Variants in MAPT observed in about 807,000 individuals in gnomAD.
MAPT encodes microtubule-associated protein tau.
A neutral mutation model predicts 67.9 loss-of-function variants in MAPT; 34 were observed. The observed-to-expected ratio is 0.50, with a 90% CI of 0.38 to 0.67. The LOEUF (loss-of-function observed/expected upper bound fraction) is 0.67, where lower values mean the gene tolerates loss of function less well. Ranked by LOEUF, MAPT falls within the 30% of genes least tolerant of loss-of-function variation. The pLI is 0.00. For missense variants in MAPT, 881 were observed against 1,115.2 expected (o/e 0.79, Z 2.99); for synonymous variants, 456 against 464.5 (o/e 0.98, Z 0.23).
At position 45,982,859 on chromosome 17, in the gene MAPT, A is replaced by G. The variant is rs931628559; in HGVS notation, c.287-7A>G. On this transcript the variant is annotated splice_polypyrimidine_tract_variant and splice_region_variant and intron_variant, in intron 4 of 12. Coordinates refer to ENST00000262410, the MANE Select transcript of MAPT (RefSeq NM_001377265.1). Reference sequence around the variant, plus strand: ...AACCTTTTGCTATCGCTGCCTCTTCAAACCAGAGGAGTTGAGAGTTCCGGG... The same window carrying G: ...AACCTTTTGCTATCGCTGCCTCTTCGAACCAGAGGAGTTGAGAGTTCCGGG... 1 of 1,296,806 alleles carries G rather than the reference A, an allele frequency of 7.7e-7. No individual in the cohort carries two copies. The highest frequency in any genetic ancestry group is 9.8e-7 in the Non-Finnish European group (1 of 1,021,460). 80.3% of individuals were successfully genotyped at this position (1,296,806 alleles called of 1,614,324 possible).
In MAPT at chr17:45,894,810, C is replaced by G. The variant is rs3744456; in HGVS notation, c.-18+124C>G. On this transcript the variant is annotated intron_variant, in intron 1 of 12. Transcript: ENST00000262410. The stretch of plus-strand genomic sequence containing the variant: ...CGCCGGGCATCGGTCGGGGCCACCG[C>G]AGGGCCCCTCCCTGCCTCCCCTGCT... 0.12 allele frequency: 18,996 copies of G among 152,594 alleles called. 1,309 individuals carry two copies. Among genetic ancestry groups the G allele is most frequent in the Middle Eastern group, 0.25 (74 of 302 alleles). The allele number at this position is 152,594 out of a possible 1,614,324, so 9.5% of individuals were successfully genotyped here.
rs59017604 is a variant in MAPT, at chr17:45,922,486, A to AACACACAC, written c.-18+27826_-18+27833dup. ...TCCCGTCCCTGCAGGCTAGCTAGAG[A>AACACACAC]ACACACACACACACACACACACACA... On this transcript the variant is annotated intron_variant, in intron 1 of 12. Transcript: ENST00000262410. 4.4e-3 allele frequency among the ~76,000 whole-genome samples: 638 copies of AACACACAC among 146,656 alleles called. 2 individuals are homozygous for AACACACAC. The highest frequency in any genetic ancestry group is 0.014 in the African/African-American group (561 of 39,848).
At chr17:45,997,486 G>A (rs904755663) in intron 9 of MAPT, among the ~76,000 whole-genome samples, 1 of 152,196 alleles carries the variant, frequency 6.6e-6, no homozygotes, top group Non-Finnish European at 1.5e-5. Context: ...GCAGCTGGGC[G>A]TAGTGGCTCA....
At chr17:45,911,101 G>C (rs1399437521) in intron 1 of MAPT, among the ~76,000 whole-genome samples, 1 of 152,212 alleles carries the variant, frequency 6.6e-6, no homozygotes, top group African/African-American at 2.4e-5. Context: ...ATGGAATCAT[G>C]CTGCCTTCAC....
At chr17:45,941,685 T>TC (rs1555690332) in intron 1 of MAPT, among the ~76,000 whole-genome samples, 1 of 28,094 alleles carries the variant, frequency 3.6e-5, no homozygotes, top group Non-Finnish European at 6.5e-5. Context: ...CTTCCCTCCT[T>TC]CCTTCCTTCC....
intron 1 of MAPT, among the ~76,000 whole-genome samples, chr17:45,929,992 C>T (rs1245350336): frequency 6.6e-6 from 1 of 152,184 alleles, no homozygotes; most frequent in South Asian, 2.1e-4. Flanking sequence ...GTTTTGCCTA[C>T]CTGCATTCCT....
intron 5 of MAPT, among the ~76,000 whole-genome samples, chr17:45,985,092 T>G (rs1244225072): frequency 6.6e-6 from 1 of 152,134 alleles, no homozygotes; most frequent in Non-Finnish European, 1.5e-5. Flanking sequence ...TCATTTGAGG[T>G]TAGGAGTTCG....
intron 9 of MAPT, among the ~76,000 whole-genome samples, chr17:46,007,621 G>A (rs2075541183): frequency 1.3e-5 from 2 of 152,180 alleles, no homozygotes. Flanking sequence ...TGCAGAATAA[G>A]CCAGCAATGC....
intron 1 of MAPT, among the ~76,000 whole-genome samples, chr17:45,959,101 G>A (rs1158514064): frequency 1.3e-5 from 2 of 152,002 alleles, no homozygotes; most frequent in African/African-American, 4.8e-5. Context: ...ACAACTCTAG[G>A]ATATCATTTA....
intron 11 of MAPT, among the ~76,000 whole-genome samples, chr17:46,016,837 T>G (rs981649308): frequency 6.6e-6 from 1 of 152,232 alleles, no homozygotes; most frequent in African/African-American, 2.4e-5. Context: ...GGAAATATTC[T>G]GTATCTGTGC....
rs568067396 is a variant in MAPT, at chr17:45,991,524, A to C, written c.1670A>C (p.Gln557Pro). Residue 557 changes from glutamine to proline, a missense_variant, in exon 8 of 13, where the codon CAG (glutamine) becomes CCG (proline). Gln to Pro is a moderately conservative substitution (Grantham distance 76). Coordinates refer to ENST00000262410, the MANE Select transcript of MAPT (RefSeq NM_001377265.1). Reference protein sequence around the residue: ...RGAAPPGQKGQANATRIPAKT... With the variant: ...RGAAPPGQKGPANATRIPAKT... Reference sequence around the variant, plus strand: ...GCAGCCCCTCCAGGCCAGAAGGGCCAGGCCAACGCCACCAGGATTCCAGCA... The same window carrying C: ...GCAGCCCCTCCAGGCCAGAAGGGCCCGGCCAACGCCACCAGGATTCCAGCA... 8.7e-6 allele frequency: 14 copies of C among 1,614,218 alleles called. No individual in the cohort carries two copies. The highest frequency in any genetic ancestry group is 1.2e-5 in the Non-Finnish European group (14 of 1,180,024).
chr17:45,997,053 A>G (rs2074543309), intron 9 of MAPT, among the ~76,000 whole-genome samples: 1 of 152,074 alleles, frequency 6.6e-6, no homozygotes. Context: ...GGCAGAATAC[A>G]CTGCCACCCA....
intron 2 of MAPT, among the ~76,000 whole-genome samples, chr17:45,967,142 A>C (rs17650991): frequency 0.14 from 22,012 of 152,252 alleles, 2,141 homozygotes; most frequent in Non-Finnish European, 0.22. Context: ...ATATGGCTGG[A>C]TACCTGCCCA....
In MAPT at chr17:46,026,825, A is replaced by T. The variant is rs935859334; in HGVS notation, c.*2654A>T. 6 of 152,390 alleles carry T rather than the reference A, an allele frequency of 3.9e-5. No individual in the cohort carries two copies. The highest frequency in any genetic ancestry group is 1.4e-4 in the African/African-American group (6 of 41,462). The allele number at this position is 152,390 out of a possible 1,614,324, so 9.4% of individuals were successfully genotyped here. On this transcript the variant is annotated 3_prime_UTR_variant, in exon 13 of 13. Coordinates refer to ENST00000262410, the MANE Select transcript of MAPT (RefSeq NM_001377265.1). ...AGAAAAGGGAAGCCGCCTTTGCAAA[A>T]CATTGCTGCCTAAAGAAACTCAGCA...
At chr17:46,019,891 A>G (rs1339178461) in intron 12 of MAPT, among the ~76,000 whole-genome samples, 1 of 151,886 alleles carries the variant, frequency 6.6e-6, no homozygotes, top group Non-Finnish European at 1.5e-5. Flanking sequence ...GCGTGCCTGT[A>G]ATCCCAGCTA....
intron 9 of MAPT, among the ~76,000 whole-genome samples, chr17:45,997,621 G>T (rs2074601143): frequency 6.6e-6 from 1 of 152,176 alleles, no homozygotes; most frequent in African/African-American, 2.4e-5. Flanking sequence ...CCTGGGCGTG[G>T]TGGTGGTGCG....
intron 1 of MAPT, among the ~76,000 whole-genome samples, chr17:45,941,713 T>TCCTTCCTG (rs1555690496): frequency 0.012 from 1,306 of 110,966 alleles, 49 homozygotes; most frequent in East Asian, 0.022. Flanking sequence ...CTGCCTTCCT[T>TCCTTCCTG]CCTTCCTTCC....
rs1417767447 is a variant in MAPT at position 46,005,473 on chromosome 17, C to T, written c.1999-4837C>T. Among the ~76,000 whole-genome samples, 7 of 152,310 alleles carry T rather than the reference C, an allele frequency of 4.6e-5. No individual in the cohort carries two copies. The East Asian group carries it at 1.2e-3, about 25-fold the overall frequency. Reference sequence around the variant, plus strand: ...TGAAAAGTTATGAATAAAAAATGATCGTCAAGCCTACAGGTGCTGAGGCTA... The same window carrying T: ...TGAAAAGTTATGAATAAAAAATGATTGTCAAGCCTACAGGTGCTGAGGCTA... On this transcript the variant is annotated intron_variant, in intron 9 of 12. Coordinates refer to ENST00000262410, the MANE Select transcript of MAPT (RefSeq NM_001377265.1).
chr17:45,915,400 A>G lies in MAPT; in HGVS notation c.-18+20714A>G, dbSNP rs778167418. Among the ~76,000 whole-genome samples, 1 of 148,534 alleles carries G rather than the reference A, an allele frequency of 6.7e-6. No individual in the cohort carries two copies. The highest frequency in any genetic ancestry group is 2.2e-4 in the South Asian group (1 of 4,634). ...TGTGTGAGTTGTGTATGGTGTGTGC[A>G]TGAGCATGTGTGTGGGCATGTGATG... On this transcript the variant is annotated intron_variant, in intron 1 of 12. Transcript: ENST00000262410. The surrounding 1 kb of genome is among the most constrained non-coding windows in gnomAD (Gnocchi z 4.4).
Sources: allele counts gnomAD v4.1 joint callset (sites outside exome capture counted in the v4.1 genomes callset), GRCh38; gene constraint gnomAD v4.1.1; non-coding constraint Gnocchi (gnomAD v3.1); transcripts MANE v1.5; gene names NCBI Gene and HGNC (gene_info 2026-07-23, HGNC 2026-07-21).